The following DTL variants were observed in gnomAD, a reference collection of about 807,000 sequenced individuals.
The protein encoded by DTL is denticleless E3 ubiquitin protein ligase adapter, also known as denticleless protein homolog.
DTL carries 46 observed loss-of-function variants against 87.0 expected under a neutral mutation model. That is an observed-to-expected ratio of 0.53 (90% CI 0.42 to 0.68). DTL has a LOEUF of 0.68. Ranked by LOEUF, DTL falls within the 30% of genes least tolerant of loss-of-function variation. DTL has a pLI of 0.00. For synonymous variants in DTL, 308 were observed against 311.2 expected, an observed-to-expected ratio of 0.99 and a Z score of 0.11; for missense variants, 737 against 869.4, an observed-to-expected ratio of 0.85 and a Z score of 1.91.
intron 2 of DTL, 93 bp downstream of exon 2, chr1:212,043,211 A>G: frequency 7.7e-7 from 1 of 1,298,814 alleles, no homozygotes; most frequent in Non-Finnish European, 1.0e-6. Flanking sequence ...CTTTCAAAGA[A>G]AAGTAAATTA....
intron 1 of DTL, among the ~76,000 whole-genome samples, chr1:212,039,244 A>G (rs150713740): frequency 2.0e-5 from 3 of 152,226 alleles, no homozygotes; most frequent in Non-Finnish European, 2.9e-5. Context: ...TTTGATAATT[A>G]TTAACCAAAA....
chr1:212,090,670 A>G (rs1349045534), intron 13 of DTL, among the ~76,000 whole-genome samples: 1 of 152,208 alleles, frequency 6.6e-6, no homozygotes, highest in Non-Finnish European at 1.5e-5. Flanking sequence ...CAGAAGTCCT[A>G]TTTACTAAGT....
chr1:212,098,390 CTGCAGTAGTATAGCGGGGGATATAAGCT>C (rs1242551625), intron 13 of DTL, among the ~76,000 whole-genome samples: 2 of 152,218 alleles, frequency 1.3e-5, no homozygotes, highest in East Asian at 3.9e-4. Flanking sequence ...AGAGTATCAA[CTGCAGTAGTATAGCGGGGGATATAAGCT>C]TGCCTTACGG....
At chr1:212,087,517 T>C (rs1413468828) in intron 13 of DTL, among the ~76,000 whole-genome samples, 1 of 150,998 alleles carries the variant, frequency 6.6e-6, no homozygotes, top group Non-Finnish European at 1.5e-5. Flanking sequence ...GCCACTGCAC[T>C]CCAGCCTGAG....
At position 212,039,391 on chromosome 1, in the gene DTL, A is replaced by G. The variant is rs139119518; in HGVS notation, c.52+3449A>G. Among the ~76,000 whole-genome samples, 821 of 152,262 alleles carry G rather than the reference A, an allele frequency of 5.4e-3. 4 individuals are homozygous for G. Among genetic ancestry groups the G allele is most frequent in the African/African-American group, 0.019 (778 of 41,550 alleles). On this transcript the variant is annotated intron_variant, in intron 1 of 14. Coordinates refer to ENST00000366991, the MANE Select transcript of DTL (RefSeq NM_016448.4). Reference sequence around the variant, plus strand: ...TTGTTTTTATTTAAAAATATTTGATACCCAAAAGTTTTTATTCTTTGGATC... The same window carrying G: ...TTGTTTTTATTTAAAAATATTTGATGCCCAAAAGTTTTTATTCTTTGGATC...
Position 212,039,148 on chromosome 1 carries a change from C to T in DTL, c.52+3206C>T, listed in dbSNP as rs931869613. 5.9e-5 allele frequency among the ~76,000 whole-genome samples: 9 copies of T among 152,246 alleles called. No homozygotes were observed. The East Asian group carries it at 1.7e-3, about 29-fold the overall frequency. On this transcript the variant is annotated intron_variant, in intron 1 of 14. Coordinates refer to ENST00000366991, the MANE Select transcript of DTL (RefSeq NM_016448.4). Reference sequence around the variant, plus strand: ...AATTGCTGTTTTCTGTCATAAGCCTCCAAGTATTAAAACTTCTTTATGGAT... The same window carrying T: ...AATTGCTGTTTTCTGTCATAAGCCTTCAAGTATTAAAACTTCTTTATGGAT...
intron 5 of DTL, among the ~76,000 whole-genome samples, chr1:212,058,597 A>G (rs1163684690): frequency 6.6e-6 from 1 of 152,136 alleles, no homozygotes; most frequent in Non-Finnish European, 1.5e-5. Flanking sequence ...CCAAAAAAGT[A>G]GAAAGACTTT....
intron 11 of DTL, among the ~76,000 whole-genome samples, chr1:212,075,815 A>G (rs1008266245): frequency 1.3e-5 from 2 of 152,166 alleles, no homozygotes; most frequent in Non-Finnish European, 2.9e-5. Flanking sequence ...CATCACCACT[A>G]TCTAATTCCC....
chr1:212,086,348 T>TA (rs1452754472), intron 13 of DTL, among the ~76,000 whole-genome samples: 1 of 152,010 alleles, frequency 6.6e-6, no homozygotes, highest in Non-Finnish European at 1.5e-5. Flanking sequence ...ATACTGATTT[T>TA]AAAAAAAAGT....
In DTL at chr1:212,100,907, T is replaced by G; in HGVS notation, c.1917T>G (p.Pro639=). The change falls in exon 14 of 15, where the codon CCT becomes CCG. Residue 639 remains proline (P), a synonymous_variant. Coordinates refer to ENST00000366991, the MANE Select transcript of DTL (RefSeq NM_016448.4). ...ASESCGTLPL[P]LRPCGEGSEM... The stretch of plus-strand genomic sequence containing the variant: ...AAAGCTGTGGAACGCTACCTCTTCC[T>G]TTGAGACCTTGTGGAGAAGGGTCTG... 6.2e-7 allele frequency: 1 copy of G among 1,614,198 alleles called. No homozygotes were observed. The highest frequency in any genetic ancestry group is 8.5e-7 in the Non-Finnish European group (1 of 1,180,030).
At position 212,091,072 on chromosome 1, in the gene DTL, C is replaced by A. The variant is rs575927405; in HGVS notation, c.1262-9180C>A. On this transcript the variant is annotated intron_variant, in intron 13 of 14. Transcript: ENST00000366991. ...ATTGTAGCTATTAAAAATGATAAAT[C>A]TGTATTAATGTGGGAAATGTTCACA... Among the ~76,000 whole-genome samples the A allele has an allele frequency of 5.3e-5, 8 of 152,280 alleles. No homozygotes were observed. In the East Asian group the frequency reaches 1.5e-3, roughly 29 times the overall value.
At chr1:212,080,372 AC>A (rs1654956350) in intron 12 of DTL, 2 of 321,356 alleles carry the variant, frequency 6.2e-6, no homozygotes, top group East Asian at 1.1e-4. Flanking sequence ...ATGACCAGTA[AC>A]AAAAGACATA....
Position 212,101,069 on chromosome 1 carries a change from G to A in DTL, c.2079G>A (p.Lys693=). 6.2e-7 allele frequency: 1 copy of A among 1,607,910 alleles called. No homozygotes were observed. Residue 693 remains lysine (K), a synonymous_variant, in exon 14 of 15, where the codon AAG becomes AAA. Coordinates refer to ENST00000366991, the MANE Select transcript of DTL (RefSeq NM_016448.4). ...QTPNSRRQSG[K]KLPSPVTITP... is the part of the protein sequence containing the mutation. ...CCAATTCCAGGAGACAGAGCGGAAAGAAATTGCCAAGCCCGGTAAGTCAGC... is the reference window on the plus strand; with the variant it reads ...CCAATTCCAGGAGACAGAGCGGAAAAAAATTGCCAAGCCCGGTAAGTCAGC...
chr1:212,092,867 A>G (rs1423754005), intron 13 of DTL, among the ~76,000 whole-genome samples: 2 of 152,140 alleles, frequency 1.3e-5, no homozygotes, highest in African/African-American at 4.8e-5. Flanking sequence ...TGGTTGTACT[A>G]GTTTACATTC....
chr1:212,051,394 C>T (rs894944283), intron 5 of DTL: 8 of 508,854 alleles, frequency 1.6e-5, no homozygotes, highest in Admixed American at 8.9e-5. Flanking sequence ...TGAAAATGTC[C>T]TTATTTCATC....
At position 212,081,089 on chromosome 1, in the gene DTL, A is replaced by C. The variant is rs76946113; in HGVS notation, c.1261+339A>C. ...CATATTAGTGTGAGAGGCAATAAACAAGATAAAAAAGTAAAATATATACTG... is the reference window on the plus strand; with the variant it reads ...CATATTAGTGTGAGAGGCAATAAACCAGATAAAAAAGTAAAATATATACTG... On this transcript the variant is annotated intron_variant, in intron 13 of 14. Transcript: ENST00000366991. 9.6e-3 allele frequency among the ~76,000 whole-genome samples: 1,462 copies of C among 152,310 alleles called. 30 individuals carry two copies. The highest frequency in any genetic ancestry group is 0.033 in the African/African-American group (1,369 of 41,546).
chr1:212,081,309 C>T (rs1162316805), intron 13 of DTL, among the ~76,000 whole-genome samples: 3 of 152,128 alleles, frequency 2.0e-5, no homozygotes, highest in Non-Finnish European at 2.9e-5. Context: ...TAAAAGTACA[C>T]AGGCCCTAAA....
At chr1:212,096,115 G>A (rs1301828009) in intron 13 of DTL, among the ~76,000 whole-genome samples, 1 of 152,086 alleles carries the variant, frequency 6.6e-6, no homozygotes, top group Non-Finnish European at 1.5e-5. Flanking sequence ...ATATTTCCAG[G>A]AATTTATCCA....
Position 212,054,406 on chromosome 1 carries a change from AC to A in DTL, c.460+6990del, listed in dbSNP as rs1453286503. On this transcript the variant is annotated intron_variant, in intron 5 of 14. Coordinates refer to ENST00000366991, the MANE Select transcript of DTL (RefSeq NM_016448.4). ...CTGTCCTCAAGGTAAAACCACACAC[AC>A]AAAAAAAAAAAAAACACCAAAAAAC... Among the ~76,000 whole-genome samples, 133 of 140,148 alleles carry A rather than the reference AC, an allele frequency of 9.5e-4. 3 individuals carry two copies. The highest frequency in any genetic ancestry group is 7.6e-3 in the Middle Eastern group (2 of 264). 91.9% of individuals were successfully genotyped at this position (140,148 alleles called of 152,430 possible).
Sources: allele counts gnomAD v4.1 joint callset (sites outside exome capture counted in the v4.1 genomes callset), GRCh38; gene constraint gnomAD v4.1.1; transcripts MANE v1.5; gene names NCBI Gene and HGNC (gene_info 2026-07-23, HGNC 2026-07-21).